Variants in SULT4A1 observed in about 807,000 individuals in gnomAD.
SULT4A1 encodes sulfotransferase family 4A member 1.
SULT4A1 carries 11 observed loss-of-function variants against 35.2 expected under a neutral mutation model. The observed-to-expected ratio is 0.31, with a 90% CI of 0.20 to 0.52. The LOEUF is 0.52. Among genes scored for constraint, SULT4A1 ranks in the 20% least tolerant of loss-of-function variants. SULT4A1 has a pLI of 0.97. For synonymous variants in SULT4A1, 152 were observed against 151.8 expected (o/e 1.00, Z -0.01); for missense variants, 271 against 383.7 (o/e 0.71, Z 2.45).
intron 1 of SULT4A1, among the ~76,000 whole-genome samples, chr22:43,854,010 G>A (rs868465117): frequency 6.6e-6 from 1 of 152,234 alleles, no homozygotes; most frequent in Non-Finnish European, 1.5e-5. Flanking sequence ...TTGGGGAAAG[G>A]AGGCTCTGGT....
intron 1 of SULT4A1, among the ~76,000 whole-genome samples, chr22:43,854,496 GTCTT>G (rs752788261): frequency 5.3e-5 from 8 of 152,178 alleles, no homozygotes; most frequent in Non-Finnish European, 1.2e-4. Context: ...TCAGACCTAA[GTCTT>G]TATAACTGGT....
At chr22:43,840,744 G>A (rs1020613810) in intron 2 of SULT4A1, among the ~76,000 whole-genome samples, 1 of 152,214 alleles carries the variant, frequency 6.6e-6, no homozygotes, top group Non-Finnish European at 1.5e-5. Context: ...CGTGCTCTCT[G>A]CTCAGAGCCC....
In SULT4A1 at chr22:43,834,386, GC is replaced by G. The variant is rs1390064000; in HGVS notation, c.509-653del. ...CCCACCGCGGCCCTGAGCTTCCCGC[GC>G]CCCCACCGCTGCCCTGAGCTTCCCG... On this transcript the variant is annotated intron_variant, in intron 4 of 6. Transcript: ENST00000330884. 1.1e-4 allele frequency among the ~76,000 whole-genome samples: 6 copies of G among 53,846 alleles called. 2 individuals are homozygous for G. The highest frequency in any genetic ancestry group is 4.3e-4 in the African/African-American group (6 of 13,964). 35.3% of individuals were successfully genotyped at this position (53,846 alleles called of 152,430 possible).
chr22:43,840,313 G>C (rs1268367615), intron 2 of SULT4A1, among the ~76,000 whole-genome samples: 1 of 151,788 alleles, frequency 6.6e-6, no homozygotes, highest in Non-Finnish European at 1.5e-5. Flanking sequence ...GAAAGGTGAG[G>C]CCAGGAGTAG....
intron 2 of SULT4A1, among the ~76,000 whole-genome samples, chr22:43,841,168 G>A (rs1046583424): frequency 1.3e-5 from 2 of 152,358 alleles, no homozygotes. Flanking sequence ...CCGAGAGGCT[G>A]GGGTGCAGAC....
rs1369117205 is a variant in SULT4A1, at chr22:43,839,034, C to G, written c.382-41G>C. The G allele has an allele frequency of 2.5e-6, 4 of 1,607,468 alleles. No individual in the cohort carries two copies. In the Admixed American group the frequency reaches 6.7e-5, roughly 27 times the overall value. Reference sequence around the variant, plus strand: ...GCAGGATGAGTCCGTGTCTCCTTCCCTCCCAGGCAGGGCTGCCCCGACACA... The same window carrying G: ...GCAGGATGAGTCCGTGTCTCCTTCCGTCCCAGGCAGGGCTGCCCCGACACA... On this transcript the variant is annotated intron_variant, in intron 3 of 6. Transcript: ENST00000330884.
intron 1 of SULT4A1, among the ~76,000 whole-genome samples, chr22:43,848,533 C>T (rs1216058595): frequency 6.6e-6 from 1 of 152,244 alleles, no homozygotes; most frequent in Non-Finnish European, 1.5e-5. Context: ...GGTCCACAAG[C>T]ACTGCCCTTA....
chr22:43,844,029 G>A lies in SULT4A1; in HGVS notation c.170-2097C>T, dbSNP rs568507234. ...GGTGGGCAGTGCTGGAATTGAACTGGACTGGGGGACATCCAGCTGGTGCTG... is the reference window on the plus strand; with the variant it reads ...GGTGGGCAGTGCTGGAATTGAACTGAACTGGGGGACATCCAGCTGGTGCTG... On this transcript the variant is annotated intron_variant, in intron 1 of 6. Transcript: ENST00000330884. Among the ~76,000 whole-genome samples, 69 of 152,300 alleles carry A rather than the reference G, an allele frequency of 4.5e-4. No homozygotes were observed. In the Middle Eastern group the frequency reaches 0.031, roughly 68 times the overall value.
chr22:43,833,015 C>T (rs148327214), intron 5 of SULT4A1, among the ~76,000 whole-genome samples: 2 of 152,278 alleles, frequency 1.3e-5, no homozygotes, highest in Non-Finnish European at 1.5e-5. Flanking sequence ...GCACTCAGGC[C>T]TCTGCCCCAC....
intron 1 of SULT4A1, among the ~76,000 whole-genome samples, chr22:43,853,460 C>T (rs2049366648): frequency 6.6e-6 from 1 of 152,214 alleles, no homozygotes; most frequent in African/African-American, 2.4e-5. Flanking sequence ...ACAGCCAGAC[C>T]CCTGCTGGAT....
At chr22:43,862,165 C>T in intron 1 of SULT4A1, 49 bp downstream of exon 1, 1 of 1,420,406 alleles carries the variant, frequency 7.0e-7, no homozygotes, top group Non-Finnish European at 9.3e-7. Flanking sequence ...CGCGGCCGCG[C>T]TGCAGGGCTG....
intron 1 of SULT4A1, among the ~76,000 whole-genome samples, chr22:43,842,727 T>C (rs1306091941): frequency 6.6e-6 from 1 of 152,094 alleles, no homozygotes; most frequent in Non-Finnish European, 1.5e-5. Context: ...AACTCAACTA[T>C]AGTGACAGAA....
chr22:43,829,708 C>T (rs1346253664), intron 5 of SULT4A1, among the ~76,000 whole-genome samples: 4 of 152,212 alleles, frequency 2.6e-5, no homozygotes, highest in African/African-American at 2.4e-5. Context: ...TATTTTACCA[C>T]GCCTGACAGC....
chr22:43,835,097 TGCCCTGAGCTTCCCGCAGCCACACCGCA>T (rs2063359544), intron 4 of SULT4A1, among the ~76,000 whole-genome samples: 19 of 89,654 alleles, frequency 2.1e-4, no homozygotes, highest in Non-Finnish European at 3.6e-4. Context: ...CCCCCACCGC[TGCCCTGAGCTTCCCGCAGCCACACCGCA>T]GCCCTGAGCT....
intron 4 of SULT4A1, among the ~76,000 whole-genome samples, chr22:43,834,290 T>C (rs1487053285): frequency 2.0e-5 from 3 of 150,850 alleles, no homozygotes; most frequent in African/African-American, 7.4e-5. Context: ...ACCGCGGCCC[T>C]GTGCTTCCCG....
chr22:43,852,379 A>T (rs1478969137), intron 1 of SULT4A1, among the ~76,000 whole-genome samples: 1 of 149,584 alleles, frequency 6.7e-6, no homozygotes, highest in Non-Finnish European at 1.5e-5. Context: ...GGGTCTCCCT[A>T]TGTTGCCCAG....
Position 43,862,214 on chromosome 22 carries a change from C to T in SULT4A1, c.169G>A (p.Gly57Ser). 1.9e-6 allele frequency: 3 copies of T among 1,548,340 alleles called. No individual in the cohort carries two copies. The highest frequency in any genetic ancestry group is 2.6e-6 in the Non-Finnish European group (3 of 1,147,172). The stretch of plus-strand genomic sequence containing the variant: ...CGGGCGCGGTCGGCGCGGGGCTCAC[C>T]GGACTTGGGGTAGGTGACGATCCAC... Reference protein sequence around the residue: ...DVWIVTYPKSGTSLLQEVVYL... With the variant: ...DVWIVTYPKSSTSLLQEVVYL... Residue 57 changes from glycine (G) to serine (S), a missense_variant and splice_region_variant, in exon 1 of 7, where the codon GGC becomes AGC. This residue lies in a region of SULT4A1 where 164 missense variants were observed against 254.1 expected (regional missense o/e 0.65). Coordinates refer to ENST00000330884, the MANE Select transcript of SULT4A1 (RefSeq NM_014351.4).
intron 4 of SULT4A1, among the ~76,000 whole-genome samples, chr22:43,836,262 T>C (rs113418803): frequency 3.0e-5 from 3 of 98,736 alleles, no homozygotes; most frequent in South Asian, 3.3e-4. Flanking sequence ...AGGGAGCCTG[T>C]CTACACAGCG....
At chr22:43,839,567 G>A (rs1390923390) in intron 3 of SULT4A1, among the ~76,000 whole-genome samples, 2 of 152,122 alleles carry the variant, frequency 1.3e-5, no homozygotes, top group African/African-American at 2.4e-5. Context: ...CAGCCTGGGC[G>A]ACAGACTAAG....
Sources: allele counts gnomAD v4.1 joint callset (sites outside exome capture counted in the v4.1 genomes callset), GRCh38; gene constraint gnomAD v4.1.1; regional missense constraint gnomAD v4.1.1; transcripts MANE v1.5; gene names NCBI Gene and HGNC (gene_info 2026-07-23, HGNC 2026-07-21).